The following NTNG2 variants were observed in gnomAD, a reference collection of about 807,000 sequenced individuals.
NTNG2 encodes the protein netrin-G2.
A neutral mutation model predicts 47.6 loss-of-function variants in NTNG2; 15 were observed. The observed-to-expected ratio is 0.32, with a 90% CI of 0.21 to 0.49. NTNG2 has a LOEUF of 0.49. NTNG2 is among the 20% of genes least tolerant of loss of function. The probability of loss-of-function intolerance (pLI) is 0.99; values close to 1 mark genes in which losing one functional copy is unlikely to be tolerated. For synonymous variants in NTNG2, 307 were observed against 324.6 expected, an observed-to-expected ratio of 0.95 and a Z score of 0.58; for missense variants, 578 against 764.6, an observed-to-expected ratio of 0.76 and a Z score of 2.88.
Position 132,185,477 on chromosome 9 carries a change from G to C in NTNG2, c.214-12489G>C, listed in dbSNP as rs1018987194. ...GTGATAAAATATTCATGGCGGCAGA[G>C]TGGGCCCTCTTTGGGAAGGCTGCCT... On this transcript the variant is annotated intron_variant, in intron 2 of 7. Coordinates refer to ENST00000393229, the MANE Select transcript of NTNG2 (RefSeq NM_032536.4). Among the ~76,000 whole-genome samples, 9 of 152,292 alleles carry C rather than the reference G, an allele frequency of 5.9e-5. No homozygotes were observed. The East Asian group carries it at 1.7e-3, about 29-fold the overall frequency.
chr9:132,241,473 C>G (rs1158143921), intron 7 of NTNG2: 2 of 323,344 alleles, frequency 6.2e-6, no homozygotes, highest in African/African-American at 4.5e-5. Context: ...GTGGGAACTA[C>G]GAGAAAGACC....
rs1435583869 is a variant in NTNG2, at chr9:132,208,035, T to G, written c.857+9426T>G. ...GGGAGGATTGCTTGAGCCCAGGAAG[T>G]CAAGCCTGCAGTGAGTTATGACTGT... On this transcript the variant is annotated intron_variant, in intron 3 of 7. Transcript: ENST00000393229. The surrounding 1 kb of genome is among the most constrained non-coding windows in gnomAD (Gnocchi z 4.0). Among the ~76,000 whole-genome samples, 2 of 151,930 alleles carry G rather than the reference T, an allele frequency of 1.3e-5. No individual in the cohort carries two copies. Among genetic ancestry groups the G allele is most frequent in the Admixed American group, 6.6e-5 (1 of 15,256 alleles).
chr9:132,237,340 C>T (rs942299470), intron 5 of NTNG2, among the ~76,000 whole-genome samples: 5 of 152,190 alleles, frequency 3.3e-5, no homozygotes, highest in East Asian at 1.9e-4. Flanking sequence ...TGGCCCAGGG[C>T]GGCTCGGAAG....
rs778008607 is a variant in NTNG2, at chr9:132,241,015, C to G, written c.1328C>G (p.Pro443Arg). 3.1e-6 allele frequency: 5 copies of G among 1,607,696 alleles called. No individual in the cohort carries two copies. Among genetic ancestry groups the G allele is most frequent in the Non-Finnish European group, 4.2e-6 (5 of 1,179,030 alleles). The change falls in exon 7 of 8, where the codon CCC becomes CGC. Residue 443 changes from proline to arginine, a missense_variant. Coordinates refer to ENST00000393229, the MANE Select transcript of NTNG2 (RefSeq NM_032536.4). ...AAGPKCDDCL[P>R]THYWRQGCYP... ...GGCCCCAAGTGCGACGACTGCCTCC[C>G]CACGCACTACTGGCGCCAGGGCTGC...
At position 132,215,082 on chromosome 9, in the gene NTNG2, G is replaced by C. The variant is rs568731996; in HGVS notation, c.858-11767G>C. On this transcript the variant is annotated intron_variant, in intron 3 of 7. Coordinates refer to ENST00000393229, the MANE Select transcript of NTNG2 (RefSeq NM_032536.4). The surrounding 1 kb of genome is among the most constrained non-coding windows in gnomAD (Gnocchi z 4.2). ...TTTAATTTTTTTGTAGAGATTGGGG[G>C]GGGGGGTCTCACTTTCTTGCCCAGG... is the stretch of plus-strand genomic sequence containing the variant. Among the ~76,000 whole-genome samples, 15 of 150,012 alleles carry C rather than the reference G, an allele frequency of 1.0e-4. No homozygotes were observed. Among genetic ancestry groups the C allele is most frequent in the Admixed American group, 2.7e-4 (4 of 15,044 alleles).
rs902761476 is a variant in NTNG2 at position 132,163,578 on chromosome 9, C to T, written c.-484+1339C>T. Among the ~76,000 whole-genome samples, 3 of 152,176 alleles carry T rather than the reference C, an allele frequency of 2.0e-5. No individual in the cohort carries two copies. The highest frequency in any genetic ancestry group is 4.8e-5 in the African/African-American group (2 of 41,466). On this transcript the variant is annotated intron_variant, in intron 1 of 7. Transcript: ENST00000393229. This position sits in a 1 kb window ranked among gnomAD's most constrained non-coding sequence, Gnocchi z 7.2. ...TCCCCTGAAAGCAGATTTCACCCCC[C>T]TCTGCCGCCCCTGCCGAGGAGGGAG...
At chr9:132,205,459 G>T (rs541591333) in intron 3 of NTNG2, among the ~76,000 whole-genome samples, 41 of 152,322 alleles carry the variant, frequency 2.7e-4, no homozygotes, top group African/African-American at 8.2e-4. Flanking sequence ...GCTGGGGGAA[G>T]GCGGAATGGG....
Position 132,243,398 on chromosome 9 carries a change from G to T in NTNG2, c.*1287G>T, listed in dbSNP as rs1842095309. The stretch of plus-strand genomic sequence containing the variant: ...CCTACCTTCTCAAGATTAGGAAGGG[G>T]TGCTGGAGGGGACAGGGGCAGCTTG... On this transcript the variant is annotated 3_prime_UTR_variant, in exon 8 of 8. Transcript: ENST00000393229. The T allele has an allele frequency of 6.6e-6, 1 of 152,358 alleles. No homozygotes were observed. Among genetic ancestry groups the T allele is most frequent in the Non-Finnish European group, 1.5e-5 (1 of 68,136 alleles). The allele number at this position is 152,358 out of a possible 1,614,324, so 9.4% of individuals were successfully genotyped here.
intron 7 of NTNG2, 32 bp downstream of exon 7, chr9:132,241,076 C>A (rs1400695623): frequency 6.4e-7 from 1 of 1,566,532 alleles, no homozygotes; most frequent in Non-Finnish European, 8.6e-7. Context: ...TGGGCGGGGC[C>A]TGCGGAAAGG....
Position 132,218,114 on chromosome 9 carries a change from T to A in NTNG2, c.858-8735T>A, listed in dbSNP as rs553389312. ...AGAATTTGTGCAGGCCACACAGCTG[T>A]GTGCACCATGAGCTGGGCAGAAGCC... On this transcript the variant is annotated intron_variant, in intron 3 of 7. Transcript: ENST00000393229. The surrounding 1 kb of genome is among the most constrained non-coding windows in gnomAD (Gnocchi z 5.4). Among the ~76,000 whole-genome samples the A allele has an allele frequency of 1.8e-4, 28 of 152,224 alleles. No homozygotes were observed. Among genetic ancestry groups the A allele is most frequent in the Non-Finnish European group, 3.4e-4 (23 of 68,042 alleles).
chr9:132,167,497 C>CGT (rs1835583764), intron 2 of NTNG2, among the ~76,000 whole-genome samples: 1 of 152,212 alleles, frequency 6.6e-6, no homozygotes, highest in Non-Finnish European at 1.5e-5. Context: ...CAGACGGTAC[C>CGT]ATGAAGCTAG....
intron 4 of NTNG2, among the ~76,000 whole-genome samples, chr9:132,227,612 G>A (rs967660101): frequency 5.3e-5 from 8 of 152,198 alleles, no homozygotes; most frequent in African/African-American, 1.2e-4. Context: ...TGGGAACTGA[G>A]CTTCCGTTAT....
intron 3 of NTNG2, among the ~76,000 whole-genome samples, chr9:132,202,717 G>T (rs540765649): frequency 6.6e-6 from 1 of 152,328 alleles, no homozygotes; most frequent in South Asian, 2.1e-4. Context: ...GAGAAGCGGG[G>T]CCCAAACCTG....
rs983892433 is a variant in NTNG2, at chr9:132,166,578, T to C, written c.-254T>C. On this transcript the variant is annotated 5_prime_UTR_variant, in exon 2 of 8. Transcript: ENST00000393229. ...GTGTGATACCAGGGTTAGGAGGACG[T>C]GAAGTTATGGGCAACTTTCTGATCT... 1.9e-6 allele frequency: 1 copy of C among 534,810 alleles called. No homozygotes were observed. The highest frequency in any genetic ancestry group is 3.1e-5 in the Admixed American group (1 of 32,000). The allele number at this position is 534,810 out of a possible 1,614,324, so 33.1% of individuals were successfully genotyped here. A position where few individuals can be genotyped will look rare whatever the true frequency, so the allele number is the denominator to read the frequency against.
Position 132,221,362 on chromosome 9 carries a change from C to T in NTNG2, c.858-5487C>T, listed in dbSNP as rs1436703634. Among the ~76,000 whole-genome samples, 1 of 152,148 alleles carries T rather than the reference C, an allele frequency of 6.6e-6. No individual in the cohort carries two copies. The highest frequency in any genetic ancestry group is 2.4e-5 in the African/African-American group (1 of 41,418). On this transcript the variant is annotated intron_variant, in intron 3 of 7. Transcript: ENST00000393229. This position sits in a 1 kb window ranked among gnomAD's most constrained non-coding sequence, Gnocchi z 4.2. ...GAAGACGGAGACATGGAGAGAGGGG[C>T]ACTGAGAGAGCCAGAGAGGCCAAGA...
chr9:132,193,898 G>A (rs531408147), intron 2 of NTNG2, among the ~76,000 whole-genome samples: 5 of 152,262 alleles, frequency 3.3e-5, no homozygotes, highest in South Asian at 4.1e-4. Flanking sequence ...GGAGCCAGCC[G>A]CCTTCTCACT....
intron 5 of NTNG2, among the ~76,000 whole-genome samples, chr9:132,235,785 C>A (rs954422660): frequency 1.2e-4 from 18 of 152,296 alleles, no homozygotes; most frequent in Middle Eastern, 3.4e-3. Flanking sequence ...GACTCGTAGG[C>A]CCCTCCCTCT....
chr9:132,193,383 G>A (rs1172510590), intron 2 of NTNG2, among the ~76,000 whole-genome samples: 1 of 152,174 alleles, frequency 6.6e-6, no homozygotes, highest in East Asian at 1.9e-4. Flanking sequence ...GATGATGAGA[G>A]AACTGGGTTC....
At chr9:132,172,211 T>G (rs1005875018) in intron 2 of NTNG2, among the ~76,000 whole-genome samples, 7 of 152,150 alleles carry the variant, frequency 4.6e-5, no homozygotes, top group Non-Finnish European at 8.8e-5. Flanking sequence ...TAACCCTGGC[T>G]CCTTTTTCAA....
Sources: gnomAD v4.1 joint callset for allele counts (sites outside exome capture counted in the v4.1 genomes callset) on GRCh38, gnomAD v4.1.1 for gene constraint, Gnocchi (gnomAD v3.1) non-coding constraint, MANE v1.5 for transcripts, NCBI Gene and HGNC (gene_info 2026-07-23, HGNC 2026-07-21) for gene names.